Variants in NICOL1 observed in about 807,000 individuals in gnomAD.
The protein encoded by NICOL1 is NELL2 interacting cell ontogeny regulator 1, also known as NELL2-interacting cell ontogeny regulator 1.
At chr4:2,043,942 G>C in the NICOL1 span, 1 of 1,537,594 alleles carries the variant, frequency 6.5e-7, no homozygotes, top group South Asian at 1.2e-5. Flanking sequence ...ACGCTGCTCC[G>C]TGTGAATAAA....
At chr4:2,039,950 A>T in the NICOL1 span, among the ~76,000 whole-genome samples, 1 of 152,186 alleles carries the variant, frequency 6.6e-6, no homozygotes, top group Non-Finnish European at 1.5e-5. Context: ...TGTGTTATTT[A>T]TTGAGAAAAA....
the NICOL1 span, chr4:2,041,734 A>G: frequency 2.3e-6 from 1 of 438,136 alleles, no homozygotes; most frequent in Non-Finnish European, 4.0e-6. Flanking sequence ...CTCCAGCCAC[A>G]GATTTCCCAC....
chr4:2,042,401 C>CGCCGCT, the NICOL1 span: 21 of 426,446 alleles, frequency 4.9e-5, no homozygotes, highest in Admixed American at 1.7e-4. Flanking sequence ...CCGCCGCCGC[C>CGCCGCT]GCTGCTGCTG....
chr4:2,042,517 G>A, the NICOL1 span: 1 of 421,902 alleles, frequency 2.4e-6, no homozygotes, highest in Non-Finnish European at 4.2e-6. Flanking sequence ...CGGGGAGCGG[G>A]GCGGGGCTGG....
At chr4:2,042,220 C>T in the NICOL1 span, 13 of 1,359,322 alleles carry the variant, frequency 9.6e-6, no homozygotes, top group African/African-American at 1.2e-4. Flanking sequence ...GTCCAGGGCT[C>T]CCAGGCCTGG....
At chr4:2,043,095 C>T in the NICOL1 span, among the ~76,000 whole-genome samples, 398 of 152,322 alleles carry the variant, frequency 2.6e-3, 2 homozygotes, top group South Asian at 6.2e-3. Context: ...CTATGACCGC[C>T]ACTCCTGAGG....
the NICOL1 span, among the ~76,000 whole-genome samples, chr4:2,039,049 AT>A: frequency 1.4e-4 from 22 of 152,134 alleles, no homozygotes; most frequent in Non-Finnish European, 2.4e-4. Context: ...GTGCAAATTC[AT>A]TTTTTTTAAA....
the NICOL1 span, among the ~76,000 whole-genome samples, chr4:2,036,644 G>A: frequency 1.9e-4 from 29 of 152,300 alleles, no homozygotes; most frequent in African/African-American, 6.7e-4. Flanking sequence ...AGGACAGCGT[G>A]GAGAAGAAAT....
chr4:2,037,749 T>C, the NICOL1 span, among the ~76,000 whole-genome samples: 1 of 152,020 alleles, frequency 6.6e-6, no homozygotes, highest in Non-Finnish European at 1.5e-5. Context: ...TAAATGATAT[T>C]CATAAATGTC....
chr4:2,042,020 A>G, the NICOL1 span: 1 of 1,471,216 alleles, frequency 6.8e-7, no homozygotes, highest in Non-Finnish European at 8.9e-7. Context: ...CGGACGCGGA[A>G]CGTCTGCCGG....
the NICOL1 span, chr4:2,042,402 G>A: frequency 2.0e-6 from 1 of 496,188 alleles, no homozygotes; most frequent in East Asian, 3.7e-5. Flanking sequence ...CGCCGCCGCC[G>A]CTGCTGCTGC....
At chr4:2,042,085 G>T in the NICOL1 span, 30 of 1,483,700 alleles carry the variant, frequency 2.0e-5, no homozygotes, top group South Asian at 1.0e-4. Flanking sequence ...GCGGTGGTGC[G>T]GGCGTCCGAA....
chr4:2,042,033 T>C, the NICOL1 span: 8 of 1,476,242 alleles, frequency 5.4e-6, no homozygotes, highest in Admixed American at 5.3e-5. Flanking sequence ...TCTGCCGGTG[T>C]CCCCGCGCTG....
the NICOL1 span, among the ~76,000 whole-genome samples, chr4:2,040,621 G>A: frequency 6.6e-6 from 1 of 152,210 alleles, no homozygotes; most frequent in East Asian, 1.9e-4. Flanking sequence ...TCCGAGTGGA[G>A]AAGAGCGCGG....
chr4:2,041,150 T>TGGGGGGGGGGGG, the NICOL1 span, among the ~76,000 whole-genome samples: 8 of 65,586 alleles, frequency 1.2e-4, no homozygotes, highest in Non-Finnish European at 1.7e-4. Flanking sequence ...CTGGGTGGGG[T>TGGGGGGGGGGGG]GGGGGGGGAG....
At chr4:2,040,764 G>A in the NICOL1 span, among the ~76,000 whole-genome samples, 2 of 152,222 alleles carry the variant, frequency 1.3e-5, no homozygotes, top group East Asian at 3.9e-4. Flanking sequence ...ACACCCCCGA[G>A]GTGCGACCGG....
the NICOL1 span, chr4:2,042,219 T>G: frequency 7.7e-6 from 8 of 1,042,544 alleles, no homozygotes; most frequent in Non-Finnish European, 9.7e-6. Context: ...GGTCCAGGGC[T>G]CCCAGGCCTG....
the NICOL1 span, among the ~76,000 whole-genome samples, chr4:2,041,279 G>T: frequency 1.3e-5 from 2 of 152,148 alleles, no homozygotes; most frequent in African/African-American, 4.8e-5. Flanking sequence ...GGGCGTCCGG[G>T]GCCCAGATTC....
the NICOL1 span, among the ~76,000 whole-genome samples, chr4:2,041,066 G>A: frequency 1.3e-5 from 2 of 150,738 alleles, no homozygotes; most frequent in Admixed American, 6.6e-5. Flanking sequence ...GTAGGGGTGC[G>A]GCTCCGCCCA....
Sources: allele counts gnomAD v4.1 joint callset (sites outside exome capture counted in the v4.1 genomes callset), GRCh38; gene constraint gnomAD v4.1.1; transcripts MANE v1.5; gene names NCBI Gene and HGNC (gene_info 2026-07-23, HGNC 2026-07-21).